Variants in USH2A observed in about 807,000 individuals in gnomAD.
The protein encoded by USH2A is usherin.
A neutral mutation model predicts 538.9 loss-of-function variants in USH2A; 443 were observed. That is an observed-to-expected ratio of 0.82 (90% CI 0.76 to 0.89). The LOEUF is 0.89. Among genes scored for constraint, USH2A ranks in the 40% least tolerant of loss-of-function variants. The probability of loss-of-function intolerance (pLI) is 0.00; values close to 1 mark genes in which losing one functional copy is unlikely to be tolerated. For synonymous variants in USH2A, 2,413 were observed against 2,273.5 expected, an observed-to-expected ratio of 1.06 and a Z score of -1.75; for missense variants, 6,633 against 6,324.8, an observed-to-expected ratio of 1.05 and a Z score of -1.65.
At chr1:216,421,143 T>C (rs1377589986) in intron 2 of USH2A, among the ~76,000 whole-genome samples, 1 of 152,082 alleles carries the variant, frequency 6.6e-6, no homozygotes, top group African/African-American at 2.4e-5. Context: ...GAAAAACTGG[T>C]GATTAAATAA....
At chr1:216,123,222 T>A (rs2033172216) in intron 21 of USH2A, among the ~76,000 whole-genome samples, 1 of 152,222 alleles carries the variant, frequency 6.6e-6, no homozygotes, top group Non-Finnish European at 1.5e-5. Flanking sequence ...CACAGTTTTG[T>A]TAAGCACAGG....
At chr1:215,952,117 G>A (rs1666935435) in intron 37 of USH2A, among the ~76,000 whole-genome samples, 1 of 152,090 alleles carries the variant, frequency 6.6e-6, no homozygotes, top group African/African-American at 2.4e-5. Flanking sequence ...ACCCGCCTCG[G>A]CCTCCCAAAG....
intron 21 of USH2A, among the ~76,000 whole-genome samples, chr1:216,144,396 G>A (rs958162755): frequency 2.6e-5 from 4 of 151,306 alleles, no homozygotes; most frequent in Admixed American, 6.6e-5. Context: ...GCTTTTCATG[G>A]AAAAATATAC....
At chr1:216,104,394 A>T (rs1360867445) in intron 21 of USH2A, among the ~76,000 whole-genome samples, 1 of 152,100 alleles carries the variant, frequency 6.6e-6, no homozygotes, top group East Asian at 1.9e-4. Flanking sequence ...AAGGACATGA[A>T]CTCATCATTT....
chr1:215,636,797 T>C (rs1178635144), intron 69 of USH2A, among the ~76,000 whole-genome samples: 1 of 151,954 alleles, frequency 6.6e-6, no homozygotes, highest in East Asian at 1.9e-4. Context: ...ATCATGAAAA[T>C]TAGAACTGAC....
chr1:215,969,979 AATT>A (rs901998849), intron 36 of USH2A, among the ~76,000 whole-genome samples: 1 of 152,196 alleles, frequency 6.6e-6, no homozygotes, highest in African/African-American at 2.4e-5. Context: ...AGTTTATGAT[AATT>A]AAGTGCTATT....
In USH2A at chr1:215,728,074, C is replaced by T. The variant is rs866937010; in HGVS notation, c.12022G>A (p.Asp4008Asn). Residue 4008 changes from aspartate to asparagine, a missense_variant, in exon 61 of 72, where the codon GAT becomes AAT. Asp to Asn is a conservative substitution (Grantham distance 23). Transcript: ENST00000307340. ...YRVVYQERPD[D>N]PTFNSPTVHA... ...ACGGTAGGGCTGTTAAATGTAGGAT[C>T]GTCGGGTCTCTCCTGGTAGACCACA... The T allele has an allele frequency of 3.1e-6, 5 of 1,614,174 alleles. No individual in the cohort carries two copies. Among genetic ancestry groups the T allele is most frequent in the Admixed American group, 1.7e-5 (1 of 60,026 alleles).
chr1:216,041,158 A>G (rs1178274256), intron 32 of USH2A, among the ~76,000 whole-genome samples: 2 of 152,052 alleles, frequency 1.3e-5, no homozygotes, highest in Admixed American at 6.6e-5. Context: ...TACAGAATGA[A>G]AAAGTTTGAC....
At position 216,196,545 on chromosome 1, in the gene USH2A, A is replaced by C; in HGVS notation, c.4251+8T>G. The C allele has an allele frequency of 6.8e-6, 11 of 1,613,218 alleles. No individual in the cohort carries two copies. In the South Asian group the frequency reaches 1.2e-4, roughly 18 times the overall value. On this transcript the variant is annotated splice_region_variant and intron_variant, in intron 19 of 71. Coordinates refer to ENST00000307340, the MANE Select transcript of USH2A (RefSeq NM_206933.4). ...TTCTGAAAGGACATTAGTTAAAAAT[A>C]ACAATACCTGTGAAAACGCCATGGG...
chr1:215,648,654 G>C lies in USH2A; in HGVS notation c.14456C>G (p.Thr4819Arg). ...TCFNCCSKGP[T>R]AELRTHPAPP... ...GGCAGGATGGGTTCTCAGTTCAGCTGTCGGTCCTTTGCTGCAACAGTTGAA... is the reference window on the plus strand; with the variant it reads ...GGCAGGATGGGTTCTCAGTTCAGCTCTCGGTCCTTTGCTGCAACAGTTGAA... Residue 4819 changes from threonine (T) to arginine (R), a missense_variant, in exon 66 of 72, where the codon ACA (threonine) becomes AGA (arginine). Thr to Arg is a moderately conservative substitution (Grantham distance 71). Transcript: ENST00000307340. The C allele has an allele frequency of 6.2e-7, 1 of 1,614,212 alleles. No individual in the cohort carries two copies. The highest frequency in any genetic ancestry group is 8.5e-7 in the Non-Finnish European group (1 of 1,180,038).
At position 216,046,006 on chromosome 1, in the gene USH2A, G is replaced by GGTGTGTGTGTGT. The variant is rs59426829; in HGVS notation, c.6325+413_6325+424dup. ...AGATAACTATAGACTCTATTTATCT[G>GGTGTGTGTGTGT]GTGTGTGTGTGTGTGTGTGTGTGTG... On this transcript the variant is annotated intron_variant, in intron 32 of 71. Transcript: ENST00000307340. Among the ~76,000 whole-genome samples the GGTGTGTGTGTGT allele has an allele frequency of 6.8e-3, 936 of 137,734 alleles. 11 individuals carry two copies. The highest frequency in any genetic ancestry group is 0.02 in the East Asian group (87 of 4,306). 90.4% of individuals were successfully genotyped at this position (137,734 alleles called of 152,430 possible). A position where few individuals can be genotyped will look rare whatever the true frequency, so the allele number is the denominator to read the frequency against.
At chr1:215,974,243 A>G (rs1054269476) in intron 35 of USH2A, among the ~76,000 whole-genome samples, 4 of 152,188 alleles carry the variant, frequency 2.6e-5, no homozygotes, top group Non-Finnish European at 4.4e-5. Flanking sequence ...TCCTAAACAG[A>G]GTAACAAAAA....
chr1:216,422,929 G>A (rs1377877528), intron 1 of USH2A, among the ~76,000 whole-genome samples: 2 of 151,994 alleles, frequency 1.3e-5, no homozygotes, highest in Non-Finnish European at 2.9e-5. Context: ...AAAGAATCTT[G>A]TAGATTTTCT....
rs1263592408 is a variant in USH2A at position 216,019,526 on chromosome 1, C to T, written c.6326-18964G>A. Among the ~76,000 whole-genome samples the T allele has an allele frequency of 2.0e-5, 3 of 152,148 alleles. 1 individual carries two copies. The highest frequency in any genetic ancestry group is 4.4e-5 in the Non-Finnish European group (3 of 68,028). ...GAACTTGGAAAAAAATAGTTGCCCT[C>T]ATTGGATCTTAGTTTATTCATCTAT... is the stretch of plus-strand genomic sequence containing the variant. On this transcript the variant is annotated intron_variant, in intron 32 of 71. Coordinates refer to ENST00000307340, the MANE Select transcript of USH2A (RefSeq NM_206933.4).
intron 58 of USH2A, among the ~76,000 whole-genome samples, chr1:215,753,078 C>T (rs1305054385): frequency 1.3e-5 from 2 of 152,150 alleles, no homozygotes; most frequent in Non-Finnish European, 2.9e-5. Flanking sequence ...CATCACTGGC[C>T]ATCAGAGAAA....
intron 21 of USH2A, among the ~76,000 whole-genome samples, chr1:216,151,516 G>C (rs1018898667): frequency 9.2e-5 from 14 of 152,042 alleles, no homozygotes; most frequent in African/African-American, 3.4e-4. Flanking sequence ...GATTGCTCTC[G>C]GTACTGGAAT....
intron 11 of USH2A, among the ~76,000 whole-genome samples, chr1:216,261,002 T>C (rs187143818): frequency 2.5e-3 from 374 of 152,276 alleles, no homozygotes; most frequent in African/African-American, 8.7e-3. Flanking sequence ...TTGCTGCTCA[T>C]AAACATGAGT....
rs147556722 is a variant in USH2A, at chr1:215,811,335, C to T, written c.9739+2401G>A. ...GCCACATGATTCCTAACCTTCCCAA[C>T]TGCTTCCATAGATAACATCACTATT... On this transcript the variant is annotated intron_variant, in intron 49 of 71. Coordinates refer to ENST00000307340, the MANE Select transcript of USH2A (RefSeq NM_206933.4). Among the ~76,000 whole-genome samples the T allele has an allele frequency of 2.3e-3, 346 of 152,322 alleles. 1 individual carries two copies. The highest frequency in any genetic ancestry group is 4.0e-3 in the Non-Finnish European group (271 of 68,040).
At chr1:216,408,880 C>T (rs2039437187) in intron 3 of USH2A, among the ~76,000 whole-genome samples, 1 of 152,132 alleles carries the variant, frequency 6.6e-6, no homozygotes, top group African/African-American at 2.4e-5. Context: ...GATGCTTCAC[C>T]TCCCAGGCAG....
Sources: allele counts gnomAD v4.1 joint callset (sites outside exome capture counted in the v4.1 genomes callset), GRCh38; gene constraint gnomAD v4.1.1; transcripts MANE v1.5; gene names NCBI Gene and HGNC (gene_info 2026-07-23, HGNC 2026-07-21).